The following UGT2B7 variants were observed in gnomAD, a reference collection of about 807,000 sequenced individuals.
UGT2B7 encodes UDP glucuronosyltransferase family 2 member B7.
UGT2B7 carries 51 observed loss-of-function variants against 51.9 expected under a neutral mutation model. The observed-to-expected ratio is 0.98, with a 90% CI of 0.78 to 1.24. UGT2B7 has a LOEUF of 1.24. UGT2B7 is among the 50% of genes most tolerant of loss of function. The pLI is 0.00. For synonymous variants in UGT2B7, 225 were observed against 211.6 expected, an observed-to-expected ratio of 1.06 and a Z score of -0.55; for missense variants, 727 against 628.4, an observed-to-expected ratio of 1.16 and a Z score of -1.68.
chr4:69,081,781 T>C (rs1449995735), intron 1 of UGT2B7, among the ~76,000 whole-genome samples: 1 of 152,146 alleles, frequency 6.6e-6, no homozygotes. Context: ...CTTCTGATCA[T>C]ATTGCACCAT....
chr4:69,057,080 T>C (rs990600067), intron 1 of UGT2B7, among the ~76,000 whole-genome samples: 2 of 152,228 alleles, frequency 1.3e-5, no homozygotes, highest in African/African-American at 4.8e-5. Flanking sequence ...AAGAACATGG[T>C]GAAACTCCCT....
At chr4:69,109,956 C>T (rs1367859461) in intron 5 of UGT2B7, among the ~76,000 whole-genome samples, 1 of 151,558 alleles carries the variant, frequency 6.6e-6, no homozygotes, top group Non-Finnish European at 1.5e-5. Flanking sequence ...TGAAAAAGAA[C>T]ACAAACCAGC....
chr4:69,108,058 A>C lies in UGT2B7; in HGVS notation c.1091-45A>C, dbSNP rs369355939. The C allele has an allele frequency of 3.1e-6, 5 of 1,595,094 alleles. No homozygotes were observed. The South Asian group carries it at 5.5e-5, about 18-fold the overall frequency. Reference sequence around the variant, plus strand: ...TTCAGAGCCTTTCATTGTGCATCTCATTTTATTCCTATGAGTAATTTTGCT... The same window carrying C: ...TTCAGAGCCTTTCATTGTGCATCTCCTTTTATTCCTATGAGTAATTTTGCT... On this transcript the variant is annotated intron_variant, in intron 4 of 5. Transcript: ENST00000305231.
intron 1 of UGT2B7, among the ~76,000 whole-genome samples, chr4:69,089,130 T>A (rs151121067): frequency 6.6e-6 from 1 of 152,266 alleles, no homozygotes; most frequent in Non-Finnish European, 1.5e-5. Context: ...TGTTATTTCA[T>A]CATTTTACTG....
At chr4:69,076,515 G>T (rs1221039898) in intron 1 of UGT2B7, among the ~76,000 whole-genome samples, 1 of 152,146 alleles carries the variant, frequency 6.6e-6, no homozygotes, top group Non-Finnish European at 1.5e-5. Context: ...GTTTTAATTT[G>T]CATTGCTCTA....
intron 1 of UGT2B7, among the ~76,000 whole-genome samples, chr4:69,054,969 T>C (rs1718143647): frequency 6.6e-6 from 1 of 151,924 alleles, no homozygotes; most frequent in South Asian, 2.1e-4. Flanking sequence ...GGAACTTGTT[T>C]GTACAATAAC....
intron 5 of UGT2B7, among the ~76,000 whole-genome samples, chr4:69,108,959 C>A (rs1719693274): frequency 6.6e-6 from 1 of 151,922 alleles, no homozygotes; most frequent in African/African-American, 2.4e-5. Flanking sequence ...ATAGATTATT[C>A]TCTTTAGATA....
At chr4:69,059,480 G>A (rs780141690) in intron 1 of UGT2B7, among the ~76,000 whole-genome samples, 5 of 152,166 alleles carry the variant, frequency 3.3e-5, no homozygotes, top group East Asian at 3.9e-4. Flanking sequence ...ATGTTAACCC[G>A]TACTGTACCA....
chr4:69,052,960 A>G (rs1718075836), intron 1 of UGT2B7, among the ~76,000 whole-genome samples: 1 of 152,212 alleles, frequency 6.6e-6, no homozygotes, highest in South Asian at 2.1e-4. Context: ...CATTAATTGT[A>G]AAGAAAAGTC....
chr4:69,072,616 T>C (rs1391546042), intron 1 of UGT2B7, among the ~76,000 whole-genome samples: 6 of 152,202 alleles, frequency 3.9e-5, no homozygotes, highest in Non-Finnish European at 8.8e-5. Flanking sequence ...TTCTTTAACA[T>C]ACAAATTCTT....
chr4:69,065,880 T>C (rs1718473082), intron 1 of UGT2B7, among the ~76,000 whole-genome samples: 1 of 152,198 alleles, frequency 6.6e-6, no homozygotes. Context: ...ATACTAGAAT[T>C]ATGTCTGCCT....
At chr4:69,086,003 T>C (rs536658766) in intron 1 of UGT2B7, among the ~76,000 whole-genome samples, 6 of 151,838 alleles carry the variant, frequency 4.0e-5, no homozygotes, top group Non-Finnish European at 7.4e-5. Flanking sequence ...AAAATCTCTA[T>C]TTTTTCTCTA....
intron 1 of UGT2B7, among the ~76,000 whole-genome samples, chr4:69,080,137 T>G (rs1392695603): frequency 1.3e-5 from 2 of 152,154 alleles, no homozygotes; most frequent in African/African-American, 2.4e-5. Context: ...AAATAGGTTC[T>G]GCTAAATAAA....
At chr4:69,063,959 G>T (rs1287084954) in intron 1 of UGT2B7, among the ~76,000 whole-genome samples, 1 of 150,632 alleles carries the variant, frequency 6.6e-6, no homozygotes, top group African/African-American at 2.4e-5. Context: ...GGAATTAAAT[G>T]ATAGTGATGC....
At position 69,099,798 on chromosome 4, in the gene UGT2B7, A is replaced by G. The variant is rs1719366995; in HGVS notation, c.870+1110A>G. ...TTAACATGTGCTGGTCACTTGAGAT[A>G]TCATTCTTCATTTAATAGAACCAGA... is the stretch of plus-strand genomic sequence containing the variant. On this transcript the variant is annotated intron_variant, in intron 2 of 5. Coordinates refer to ENST00000305231, the MANE Select transcript of UGT2B7 (RefSeq NM_001074.4). Among the ~76,000 whole-genome samples the G allele has an allele frequency of 2.6e-5, 4 of 152,036 alleles. No homozygotes were observed. The South Asian group carries it at 6.2e-4, about 24-fold the overall frequency.
chr4:69,101,117 A>G (rs1176247318), intron 2 of UGT2B7, among the ~76,000 whole-genome samples: 1 of 152,070 alleles, frequency 6.6e-6, no homozygotes, highest in African/African-American at 2.4e-5. Flanking sequence ...GAAATATTCA[A>G]CTACACTGTC....
At chr4:69,052,319 C>A (rs1439131287) in intron 1 of UGT2B7, among the ~76,000 whole-genome samples, 3 of 151,510 alleles carry the variant, frequency 2.0e-5, no homozygotes, top group Non-Finnish European at 4.4e-5. Context: ...CTGGCAGAGG[C>A]AAGGAAAGAC....
At chr4:69,086,308 T>A (rs1718956211) in intron 1 of UGT2B7, among the ~76,000 whole-genome samples, 1 of 151,874 alleles carries the variant, frequency 6.6e-6, no homozygotes, top group Admixed American at 6.6e-5. Context: ...ATTCTTTCTT[T>A]TATTGATTTC....
intron 2 of UGT2B7, among the ~76,000 whole-genome samples, chr4:69,091,269 G>T (rs1349141140): frequency 6.6e-6 from 1 of 152,134 alleles, no homozygotes; most frequent in Non-Finnish European, 1.5e-5. Context: ...ATTAGTCGGG[G>T]TCCACATAGG....
Sources: allele counts gnomAD v4.1 joint callset (sites outside exome capture counted in the v4.1 genomes callset), GRCh38; gene constraint gnomAD v4.1.1; transcripts MANE v1.5; gene names NCBI Gene and HGNC (gene_info 2026-07-23, HGNC 2026-07-21).